AXDND1: variants seen among roughly 807,000 people sequenced by gnomAD.
The protein encoded by AXDND1 is axonemal dynein light chain domain-containing protein 1.
A neutral mutation model predicts 137.5 loss-of-function variants in AXDND1; 110 were observed. The ratio of observed to expected loss-of-function variants is 0.80; its 90% CI spans 0.69 to 0.94. AXDND1 has a LOEUF of 0.94. AXDND1 is among the 40% of genes least tolerant of loss of function. AXDND1 has a pLI of 0.00. For synonymous variants in AXDND1, 414 were observed against 399.7 expected, an observed-to-expected ratio of 1.04 and a Z score of -0.43; for missense variants, 1,191 against 1,169.8, an observed-to-expected ratio of 1.02 and a Z score of -0.26.
chr1:179,491,673 C>T lies in AXDND1; in HGVS notation c.2227C>T (p.Arg743Ter), dbSNP rs771074994. ...SAEKHDIGVA[R>*]LELDAIELTR... ...TGAGAAACATGATATAGGAGTTGCG[C>T]GATTGGAGCTAGATGCGATTGAACT... Residue 743 changes from arginine (R) to a stop codon, truncating the protein, a stop_gained, in exon 19 of 26, where the codon CGA becomes TGA. Transcript: ENST00000367618. LOFTEE classifies it high-confidence loss of function. 5.6e-6 allele frequency: 9 copies of T among 1,611,062 alleles called. No individual in the cohort carries two copies. Among genetic ancestry groups the T allele is most frequent in the African/African-American group, 5.4e-5 (4 of 74,748 alleles).
chr1:179,491,765 T>C, intron 19 of AXDND1, 28 bp downstream of exon 19: 1 of 1,497,754 alleles, frequency 6.7e-7, no homozygotes, highest in Non-Finnish European at 8.9e-7. Context: ...TTGTTGCCCT[T>C]TTGAAGAATT....
At chr1:179,438,503 A>G (rs1284576302) in intron 15 of AXDND1, among the ~76,000 whole-genome samples, 9 of 152,354 alleles carry the variant, frequency 5.9e-5, no homozygotes, top group Admixed American at 5.9e-4. Flanking sequence ...TACAGAGGAC[A>G]TCACAACAGA....
At chr1:179,414,529 C>T (rs1654395926) in intron 12 of AXDND1, among the ~76,000 whole-genome samples, 1 of 152,046 alleles carries the variant, frequency 6.6e-6, no homozygotes, top group Non-Finnish European at 1.5e-5. Context: ...GGGTTCACGC[C>T]ATTCTCCTGC....
chr1:179,389,117 G>A (rs1649715335), intron 9 of AXDND1, among the ~76,000 whole-genome samples: 1 of 151,380 alleles, frequency 6.6e-6, no homozygotes, highest in Admixed American at 6.6e-5. Context: ...GGGATTACAG[G>A]CATGCGCCAC....
At chr1:179,522,304 G>A (rs932960849) in intron 21 of AXDND1, among the ~76,000 whole-genome samples, 16 of 152,118 alleles carry the variant, frequency 1.1e-4, no homozygotes, top group Non-Finnish European at 1.9e-4. Flanking sequence ...TTAAATTGCT[G>A]AAGTCCTATT....
At chr1:179,455,687 G>T (rs912131089) in intron 16 of AXDND1, 2 of 153,240 alleles carry the variant, frequency 1.3e-5, no homozygotes, top group Non-Finnish European at 2.9e-5. Context: ...GATCACCTTG[G>T]GGGGGAAATA....
At chr1:179,375,833 C>A (rs1465739187) in intron 4 of AXDND1, among the ~76,000 whole-genome samples, 1 of 152,116 alleles carries the variant, frequency 6.6e-6, no homozygotes, top group African/African-American at 2.4e-5. Flanking sequence ...AACATTTTTC[C>A]CCTGTACATA....
intron 4 of AXDND1, among the ~76,000 whole-genome samples, chr1:179,370,955 G>A (rs1667978691): frequency 6.6e-6 from 1 of 152,192 alleles, no homozygotes; most frequent in Non-Finnish European, 1.5e-5. Flanking sequence ...ATGCTTCAGT[G>A]CAAGGAAAAG....
chr1:179,516,112 A>G (rs901106324), intron 21 of AXDND1, among the ~76,000 whole-genome samples: 3 of 152,128 alleles, frequency 2.0e-5, no homozygotes, highest in Admixed American at 6.5e-5. Context: ...GTCATTTAAC[A>G]TAATCCCAGA....
chr1:179,498,990 A>G (rs749378281), intron 20 of AXDND1, among the ~76,000 whole-genome samples: 26 of 152,126 alleles, frequency 1.7e-4, no homozygotes, highest in Admixed American at 1.3e-4. Flanking sequence ...GGGAATGTAA[A>G]TTAGTCTAGC....
intron 23 of AXDND1, among the ~76,000 whole-genome samples, chr1:179,530,332 A>T (rs188537935): frequency 0.014 from 2,097 of 152,142 alleles, 25 homozygotes; most frequent in Non-Finnish European, 0.017. Flanking sequence ...CCCGGCCAAA[A>T]TTTTTTAAAA....
intron 16 of AXDND1, among the ~76,000 whole-genome samples, chr1:179,462,385 A>G (rs1172907213): frequency 6.6e-6 from 1 of 152,214 alleles, no homozygotes; most frequent in African/African-American, 2.4e-5. Context: ...CTTGAATCCC[A>G]GGGATGAAGC....
chr1:179,457,067 A>C, intron 16 of AXDND1: 2 of 1,417,186 alleles, frequency 1.4e-6, no homozygotes, highest in Non-Finnish European at 2.0e-6. Context: ...TTCTCTTGAG[A>C]CAGCTCTCTT....
At chr1:179,433,461 G>A (rs1323004694) in intron 15 of AXDND1, among the ~76,000 whole-genome samples, 1 of 152,146 alleles carries the variant, frequency 6.6e-6, no homozygotes, top group African/African-American at 2.4e-5. Flanking sequence ...ATGTTAGGGT[G>A]TTGATTTGAG....
chr1:179,488,641 T>TTCTTTCTTTCTTTC lies in AXDND1; in HGVS notation c.2092-2895_2092-2882dup, dbSNP rs1222821775. Among the ~76,000 whole-genome samples the TTCTTTCTTTCTTTC allele has an allele frequency of 7.2e-3, 333 of 46,558 alleles. 40 individuals are homozygous for TTCTTTCTTTCTTTC. Among genetic ancestry groups the TTCTTTCTTTCTTTC allele is most frequent in the African/African-American group, 0.021 (245 of 11,670 alleles). 30.5% of individuals were successfully genotyped at this position (46,558 alleles called of 152,430 possible). On this transcript the variant is annotated intron_variant, in intron 18 of 25. Transcript: ENST00000367618. The stretch of plus-strand genomic sequence containing the variant: ...CTTTCTCTCTCTCTCTCTCCTTTCT[T>TTCTTTCTTTCTTTC]TCTTTCTTTCTTTCTTTCTTTCTTT...
intron 12 of AXDND1, among the ~76,000 whole-genome samples, chr1:179,427,223 T>G (rs917655635): frequency 2.6e-5 from 4 of 152,092 alleles, no homozygotes; most frequent in African/African-American, 9.7e-5. Flanking sequence ...AGTTTATATA[T>G]GCACACACAC....
rs1660023140 is a variant in AXDND1, at chr1:179,448,290, AAG to A, written c.1798+3089_1798+3090del. On this transcript the variant is annotated intron_variant, in intron 16 of 25. Coordinates refer to ENST00000367618, the MANE Select transcript of AXDND1 (RefSeq NM_144696.6). ...GTCCATATCAGTGCTAGCATATTGA[AAG>A]AGTTTGTTAGAGCTGTTGAAAATGC... is the stretch of plus-strand genomic sequence containing the variant. 3 of 768,692 alleles carry A rather than the reference AAG, an allele frequency of 3.9e-6. No individual in the cohort carries two copies. The Admixed American group carries it at 5.2e-5, about 13-fold the overall frequency. The allele number at this position is 768,692 out of a possible 1,614,324, so 47.6% of individuals were successfully genotyped here.
chr1:179,441,424 A>G (rs1350987836), intron 15 of AXDND1, among the ~76,000 whole-genome samples: 1 of 152,228 alleles, frequency 6.6e-6, no homozygotes, highest in Non-Finnish European at 1.5e-5. Flanking sequence ...CTGCAGAGCA[A>G]TGAAGCTCAG....
intron 22 of AXDND1, 32 bp downstream of exon 22, chr1:179,525,479 A>T: frequency 2.0e-6 from 1 of 510,072 alleles, no homozygotes; most frequent in Non-Finnish European, 2.7e-6. Flanking sequence ...TTTTCCTCCT[A>T]CATACATACA....
Sources: gnomAD v4.1 joint callset for allele counts (sites outside exome capture counted in the v4.1 genomes callset) on GRCh38, gnomAD v4.1.1 for gene constraint, MANE v1.5 for transcripts, NCBI Gene and HGNC (gene_info 2026-07-23, HGNC 2026-07-21) for gene names.